The following TAFA2 variants were observed in gnomAD, a reference collection of about 807,000 sequenced individuals.
TAFA2 encodes chemokine-like protein TAFA-2.
TAFA2 carries 7 observed loss-of-function variants against 18.8 expected under a neutral mutation model. That is an observed-to-expected ratio of 0.37 (90% CI 0.21 to 0.70). The LOEUF is 0.70. Ranked by LOEUF, TAFA2 falls within the 30% of genes least tolerant of loss-of-function variation. TAFA2 has a pLI of 0.53. For missense variants in TAFA2, 122 were observed against 158.1 expected (o/e 0.77, Z 1.23); for synonymous variants, 60 against 54.2 (o/e 1.11, Z -0.47).
At chr12:61,765,834 G>T (rs1175913377) in intron 2 of TAFA2, among the ~76,000 whole-genome samples, 3 of 151,990 alleles carry the variant, frequency 2.0e-5, no homozygotes, top group Non-Finnish European at 4.4e-5. Context: ...GTCCAAACTT[G>T]CCATTTTGTA....
chr12:62,146,660 C>T (rs1447098681), intron 1 of TAFA2, among the ~76,000 whole-genome samples: 1 of 152,066 alleles, frequency 6.6e-6, no homozygotes, highest in African/African-American at 2.4e-5. Flanking sequence ...ATTTTGATAT[C>T]TAGTCCCTGT....
chr12:61,921,326 G>C (rs189661445), intron 1 of TAFA2, among the ~76,000 whole-genome samples: 3 of 152,322 alleles, frequency 2.0e-5, no homozygotes, highest in Admixed American at 2.0e-4. Context: ...AGTGGTAGCA[G>C]TGGAAGTGAT....
intron 1 of TAFA2, among the ~76,000 whole-genome samples, chr12:62,100,086 C>G (rs75980187): frequency 0.054 from 8,183 of 151,478 alleles, 326 homozygotes; most frequent in Non-Finnish European, 0.083. Context: ...TATTCCACTT[C>G]CTGTCATTAT....
intron 2 of TAFA2, among the ~76,000 whole-genome samples, chr12:61,775,396 A>G (rs1344003795): frequency 6.6e-6 from 1 of 151,898 alleles, no homozygotes; most frequent in East Asian, 1.9e-4. Flanking sequence ...TTGGCAGCAA[A>G]GAAGATATCC....
intron 1 of TAFA2, among the ~76,000 whole-genome samples, chr12:62,070,048 C>A (rs1029134009): frequency 6.6e-6 from 1 of 152,120 alleles, no homozygotes; most frequent in African/African-American, 2.4e-5. Flanking sequence ...GAGACCAGCT[C>A]TCAGCAAGAA....
chr12:62,115,089 G>A (rs906476821), intron 1 of TAFA2, among the ~76,000 whole-genome samples: 2 of 152,010 alleles, frequency 1.3e-5, no homozygotes, highest in South Asian at 2.1e-4. Flanking sequence ...CCTCCTTTGG[G>A]TAATTTCTTC....
At chr12:62,019,904 T>A (rs1189133846) in intron 1 of TAFA2, among the ~76,000 whole-genome samples, 1 of 152,194 alleles carries the variant, frequency 6.6e-6, no homozygotes, top group Non-Finnish European at 1.5e-5. Flanking sequence ...AAGTTTCCAA[T>A]TTAATTATTT....
chr12:61,847,964 A>T (rs975496298), intron 2 of TAFA2, among the ~76,000 whole-genome samples: 4 of 152,226 alleles, frequency 2.6e-5, no homozygotes, highest in African/African-American at 9.6e-5. Flanking sequence ...AGTTTTATCT[A>T]CAGTTGATTT....
chr12:61,864,319 T>C (rs1874251977), intron 2 of TAFA2, among the ~76,000 whole-genome samples: 1 of 150,296 alleles, frequency 6.7e-6, no homozygotes, highest in South Asian at 2.1e-4. Context: ...AATAGGATCA[T>C]CAGATAGAAA....
At chr12:62,229,672 T>C (rs1236739040) in intron 1 of TAFA2, among the ~76,000 whole-genome samples, 2 of 145,690 alleles carry the variant, frequency 1.4e-5, no homozygotes, top group Admixed American at 6.8e-5. Context: ...CTGTATTTTC[T>C]TTTTTTTTTA....
At chr12:61,767,143 C>A (rs981328493) in intron 2 of TAFA2, among the ~76,000 whole-genome samples, 4 of 152,102 alleles carry the variant, frequency 2.6e-5, no homozygotes, top group African/African-American at 9.7e-5. Flanking sequence ...AAACTTATGA[C>A]ATAATCAATG....
chr12:61,847,210 T>C (rs1460980760), intron 2 of TAFA2, among the ~76,000 whole-genome samples: 3 of 152,222 alleles, frequency 2.0e-5, no homozygotes, highest in Non-Finnish European at 4.4e-5. Flanking sequence ...ACACATTTTG[T>C]CCCTCTCTGC....
intron 1 of TAFA2, among the ~76,000 whole-genome samples, chr12:62,075,677 C>T (rs10747951): frequency 0.23 from 34,893 of 152,092 alleles, 4,454 homozygotes; most frequent in East Asian, 0.47. Context: ...CACACATACA[C>T]GCATATATAT....
intron 1 of TAFA2, among the ~76,000 whole-genome samples, chr12:62,222,684 T>A (rs890346020): frequency 1.3e-5 from 2 of 151,200 alleles, no homozygotes; most frequent in Non-Finnish European, 1.5e-5. Context: ...TTTTTTTTTT[T>A]TTTTTATTTT....
chr12:61,927,348 C>T (rs1051628694), intron 1 of TAFA2, among the ~76,000 whole-genome samples: 1 of 152,046 alleles, frequency 6.6e-6, no homozygotes, highest in Non-Finnish European at 1.5e-5. Flanking sequence ...GTAAAAATCA[C>T]AGCATTCCTA....
chr12:61,864,983 G>A (rs1272165437), intron 2 of TAFA2, among the ~76,000 whole-genome samples: 1 of 152,076 alleles, frequency 6.6e-6, no homozygotes, highest in Non-Finnish European at 1.5e-5. Flanking sequence ...CTTGCCCTAA[G>A]CCTTAACCCT....
intron 1 of TAFA2, among the ~76,000 whole-genome samples, chr12:62,132,208 A>G (rs866735652): frequency 2.0e-5 from 3 of 151,868 alleles, no homozygotes; most frequent in Non-Finnish European, 4.4e-5. Flanking sequence ...ACAAAAAGTT[A>G]CCTTAATCTG....
chr12:61,919,260 G>A (rs1040153556), intron 1 of TAFA2, among the ~76,000 whole-genome samples: 1 of 152,098 alleles, frequency 6.6e-6, no homozygotes, highest in African/African-American at 2.4e-5. Context: ...TGCTAATTTA[G>A]TATTCATTAT....
At chr12:62,245,064 T>C (rs1289082176) in intron 1 of TAFA2, among the ~76,000 whole-genome samples, 1 of 152,096 alleles carries the variant, frequency 6.6e-6, no homozygotes, top group Admixed American at 6.6e-5. Context: ...GTTGATATTT[T>C]ATATCTCATA....
Sources: allele counts gnomAD v4.1 joint callset (sites outside exome capture counted in the v4.1 genomes callset), GRCh38; gene constraint gnomAD v4.1.1; transcripts MANE v1.5; gene names NCBI Gene and HGNC (gene_info 2026-07-23, HGNC 2026-07-21).